Variants in DCC observed in about 807,000 individuals in gnomAD.
DCC encodes DCC netrin 1 receptor, also known as netrin receptor DCC.
A neutral mutation model predicts 172.5 loss-of-function variants in DCC; 58 were observed. The observed-to-expected ratio is 0.34, with a 90% CI of 0.27 to 0.42. The LOEUF is 0.42. Ranked by LOEUF, DCC falls within the 10% of genes least tolerant of loss-of-function variation. DCC has a pLI of 1.00. For synonymous variants in DCC, 709 were observed against 644.5 expected (o/e 1.10, Z -1.52); for missense variants, 1,740 against 1,791.0 (o/e 0.97, Z 0.51).
intron 7 of DCC, among the ~76,000 whole-genome samples, chr18:53,145,323 T>C (rs982787557): frequency 2.6e-5 from 4 of 151,966 alleles, no homozygotes; most frequent in East Asian, 1.9e-4. Context: ...CAGTGTTAGC[T>C]AGGATGGTCT....
chr18:52,796,626 A>G (rs1480177827), intron 2 of DCC, among the ~76,000 whole-genome samples: 1 of 152,114 alleles, frequency 6.6e-6, no homozygotes, highest in Admixed American at 6.5e-5. Flanking sequence ...TTTATAAAGC[A>G]TTTTGAATAT....
intron 1 of DCC, among the ~76,000 whole-genome samples, chr18:52,614,057 T>G (rs1001962702): frequency 6.6e-6 from 1 of 152,156 alleles, no homozygotes; most frequent in Non-Finnish European, 1.5e-5. Flanking sequence ...TACCAACGCT[T>G]TCCAAATTTT....
intron 22 of DCC, among the ~76,000 whole-genome samples, chr18:53,445,288 G>A (rs947715867): frequency 1.6e-4 from 24 of 152,186 alleles, no homozygotes; most frequent in African/African-American, 5.8e-4. Context: ...AGAGCTCAAA[G>A]TGTTCTAATA....
chr18:52,508,615 T>C (rs1047665845), intron 1 of DCC, among the ~76,000 whole-genome samples: 4 of 152,206 alleles, frequency 2.6e-5, no homozygotes, highest in African/African-American at 4.8e-5. Flanking sequence ...ATTGGGGATT[T>C]ATATTCAGGA....
At chr18:52,698,983 C>A (rs1334626415) in intron 1 of DCC, among the ~76,000 whole-genome samples, 1 of 151,958 alleles carries the variant, frequency 6.6e-6, no homozygotes, top group African/African-American at 2.4e-5. Flanking sequence ...AGCATGGGAC[C>A]AAGTCATGTG....
At chr18:52,768,190 C>G (rs1796546031) in intron 2 of DCC, among the ~76,000 whole-genome samples, 1 of 152,192 alleles carries the variant, frequency 6.6e-6, no homozygotes, top group African/African-American at 2.4e-5. Context: ...CTTTATAACT[C>G]AGCATTAAGA....
chr18:52,532,972 C>G (rs2032193411), intron 1 of DCC, among the ~76,000 whole-genome samples: 1 of 152,048 alleles, frequency 6.6e-6, no homozygotes, highest in Admixed American at 6.6e-5. Flanking sequence ...CACCCCAGTC[C>G]CTCTTCTACT....
Position 52,756,966 on chromosome 18 carries a change from G to A in DCC, c.412+4592G>A, listed in dbSNP as rs535253231. ...ATGATGCAAAATATTTTTTTTCAGGGCAATGAAAAATAGGCAACAAATCCT... is the reference window on the plus strand; with the variant it reads ...ATGATGCAAAATATTTTTTTTCAGGACAATGAAAAATAGGCAACAAATCCT... On this transcript the variant is annotated intron_variant, in intron 2 of 28. Transcript: ENST00000442544. 3.9e-5 allele frequency: 6 copies of A among 151,928 alleles called. No individual in the cohort carries two copies. In the South Asian group the frequency reaches 1.3e-3, roughly 32 times the overall value. 9.4% of individuals were successfully genotyped at this position (151,928 alleles called of 1,614,324 possible). A position where few individuals can be genotyped will look rare whatever the true frequency, so the allele number is the denominator to read the frequency against.
chr18:52,431,651 A>C (rs1052992562), intron 1 of DCC, among the ~76,000 whole-genome samples: 1 of 152,192 alleles, frequency 6.6e-6, no homozygotes, highest in Non-Finnish European at 1.5e-5. Flanking sequence ...TGAAATGCTC[A>C]GTGAACACCC....
chr18:52,575,437 G>A (rs2033385976), intron 1 of DCC, among the ~76,000 whole-genome samples: 1 of 152,122 alleles, frequency 6.6e-6, no homozygotes, highest in African/African-American at 2.4e-5. Context: ...ACGTGGTCAG[G>A]AAGGTTCTGG....
rs375168234 is a variant in DCC, at chr18:52,771,815, G to A, written c.412+19441G>A. ...ACCTCTCTCATATTTTAATTAACTCGTAAGTTCAGTGCTTCTCAAATTTGG... is the reference window on the plus strand; with the variant it reads ...ACCTCTCTCATATTTTAATTAACTCATAAGTTCAGTGCTTCTCAAATTTGG... On this transcript the variant is annotated intron_variant, in intron 2 of 28. Transcript: ENST00000442544. Among the ~76,000 whole-genome samples the A allele has an allele frequency of 4.1e-5, 6 of 145,452 alleles. 1 individual carries two copies. The highest frequency in any genetic ancestry group is 1.3e-4 in the African/African-American group (5 of 39,644).
intron 2 of DCC, among the ~76,000 whole-genome samples, chr18:52,782,294 T>C (rs1046930285): frequency 6.6e-6 from 1 of 152,232 alleles, no homozygotes; most frequent in East Asian, 1.9e-4. Context: ...AGGCAGGAGT[T>C]TTATTGTGAA....
intron 3 of DCC, among the ~76,000 whole-genome samples, chr18:52,915,769 AAG>A (rs1367789714): frequency 2.0e-5 from 3 of 152,100 alleles, no homozygotes; most frequent in African/African-American, 4.8e-5. Context: ...AGGGGACTGA[AAG>A]AGGGAAAAAG....
chr18:53,405,437 C>T (rs540318246), intron 19 of DCC, among the ~76,000 whole-genome samples: 7 of 152,178 alleles, frequency 4.6e-5, no homozygotes, highest in South Asian at 2.1e-4. Flanking sequence ...GTAATAGAAC[C>T]GCACTAGAAT....
At chr18:52,642,558 A>G (rs1245673908) in intron 1 of DCC, among the ~76,000 whole-genome samples, 1 of 152,210 alleles carries the variant, frequency 6.6e-6, no homozygotes, top group Non-Finnish European at 1.5e-5. Context: ...TAAAAACAAT[A>G]TGCTGTGTAC....
chr18:53,208,113 T>TG (rs2055684047), intron 11 of DCC, among the ~76,000 whole-genome samples: 1 of 151,210 alleles, frequency 6.6e-6, no homozygotes, highest in African/African-American at 2.4e-5. Context: ...ATGTTTTTTT[T>TG]TTTTTTTTTT....
intron 1 of DCC, among the ~76,000 whole-genome samples, chr18:52,375,551 A>T (rs941805434): frequency 3.9e-5 from 6 of 152,242 alleles, no homozygotes; most frequent in African/African-American, 1.4e-4. Flanking sequence ...CTAAGTGTTT[A>T]ACACAGAAGT....
intron 9 of DCC, among the ~76,000 whole-genome samples, chr18:53,183,695 C>T (rs2055234079): frequency 6.6e-6 from 1 of 151,926 alleles, no homozygotes; most frequent in Non-Finnish European, 1.5e-5. Flanking sequence ...TGAAAGCAAC[C>T]CACCAATTTG....
chr18:52,382,109 A>G (rs1327684873), intron 1 of DCC, among the ~76,000 whole-genome samples: 5 of 152,174 alleles, frequency 3.3e-5, no homozygotes, highest in East Asian at 3.9e-4. Context: ...TCTAACATAC[A>G]TTGAATGGTG....
Sources: gnomAD v4.1 joint callset for allele counts (sites outside exome capture counted in the v4.1 genomes callset) on GRCh38, gnomAD v4.1.1 for gene constraint, MANE v1.5 for transcripts, NCBI Gene and HGNC (gene_info 2026-07-23, HGNC 2026-07-21) for gene names.